The following PPM1E variants were observed in gnomAD, a reference collection of about 807,000 sequenced individuals.
PPM1E encodes protein phosphatase, Mg2+/Mn2+ dependent 1E, also known as protein phosphatase 1E.
In PPM1E, 20 loss-of-function variants were observed where a neutral mutation model predicts 65.9. The ratio of observed to expected loss-of-function variants is 0.30; its 90% confidence interval spans 0.21 to 0.44. The LOEUF is 0.44. Ranked by LOEUF, PPM1E falls within the 20% of genes least tolerant of loss-of-function variation. PPM1E has a pLI of 1.00. For synonymous variants in PPM1E, 352 were observed against 374.9 expected, an observed-to-expected ratio of 0.94 and a Z score of 0.70; for missense variants, 713 against 953.1, an observed-to-expected ratio of 0.75 and a Z score of 3.32.
At chr17:58,921,093 C>T (rs951684113) in intron 1 of PPM1E, among the ~76,000 whole-genome samples, 1 of 152,098 alleles carries the variant, frequency 6.6e-6, no homozygotes, top group African/African-American at 2.4e-5. Context: ...ACATGGAAGC[C>T]ATTGTGACTT....
chr17:58,980,478 T>G lies in PPM1E; in HGVS notation c.1715T>G (p.Leu572Arg). 6.2e-7 allele frequency: 1 copy of G among 1,614,158 alleles called. No homozygotes were observed. The highest frequency in any genetic ancestry group is 8.5e-7 in the Non-Finnish European group (1 of 1,180,038). Residue 572 changes from leucine to arginine, a missense_variant, in exon 7 of 7, where the codon CTC becomes CGC. Leu to Arg is a moderately radical substitution (Grantham distance 102). Transcript: ENST00000308249. This position sits in a 1 kb window ranked among gnomAD's most constrained non-coding sequence, Gnocchi z 4.7. ...NVLEDPGYLD[L>R]TQIEASKPHS... ...CTGGAAGACCCAGGCTACCTAGATC[T>G]CACACAAATAGAAGCAAGCAAACCT...
At chr17:58,795,019 G>T (rs2050192825) in intron 1 of PPM1E, among the ~76,000 whole-genome samples, 1 of 151,508 alleles carries the variant, frequency 6.6e-6, no homozygotes, top group Admixed American at 6.6e-5. Context: ...CTCCCAAGTA[G>T]CTGGGGTTAC....
Position 58,863,386 on chromosome 17 carries a change from G to A in PPM1E, c.465-92263G>A, listed in dbSNP as rs182939126. 1.1e-4 allele frequency among the ~76,000 whole-genome samples: 17 copies of A among 152,286 alleles called. 1 individual carries two copies. The highest frequency in any genetic ancestry group is 2.1e-4 in the South Asian group (1 of 4,826). ...GGGCAAACAAATGCTGGAACGAGCC[G>A]GCCACTTCTCTCCAGTGGGAGCAGG... On this transcript the variant is annotated intron_variant, in intron 1 of 6. Transcript: ENST00000308249.
At chr17:58,860,535 G>A (rs529949121) in intron 1 of PPM1E, among the ~76,000 whole-genome samples, 1 of 152,290 alleles carries the variant, frequency 6.6e-6, no homozygotes, top group Admixed American at 6.5e-5. Context: ...AAAAGAGGGG[G>A]TTATGCCAGA....
chr17:58,833,715 G>C (rs2050627018), intron 1 of PPM1E, among the ~76,000 whole-genome samples: 1 of 152,086 alleles, frequency 6.6e-6, no homozygotes, highest in Non-Finnish European at 1.5e-5. Flanking sequence ...CTTTTTGATA[G>C]AATTACTTGT....
At chr17:58,952,294 T>C (rs2052250440) in intron 1 of PPM1E, among the ~76,000 whole-genome samples, 3 of 152,192 alleles carry the variant, frequency 2.0e-5, no homozygotes, top group Non-Finnish European at 4.4e-5. Flanking sequence ...GGACTGTTAC[T>C]CTGGCTGGGG....
chr17:58,834,541 T>C (rs1412963671), intron 1 of PPM1E, among the ~76,000 whole-genome samples: 1 of 152,178 alleles, frequency 6.6e-6, no homozygotes, highest in Admixed American at 6.5e-5. Flanking sequence ...CTGATAAAAT[T>C]ATGCATTTGA....
chr17:58,952,859 A>G (rs1448336361), intron 1 of PPM1E, among the ~76,000 whole-genome samples: 5 of 152,082 alleles, frequency 3.3e-5, no homozygotes, highest in Non-Finnish European at 5.9e-5. Context: ...TATTTTTAGT[A>G]GAGACAGGGT....
At position 58,778,927 on chromosome 17, in the gene PPM1E, C is replaced by CATATATATATATAT. The variant is rs59563297; in HGVS notation, c.464+22487_464+22500dup. ...TATAACTAAATTGAGATGATACATA[C>CATATATATATATAT]ATATATATATATATATATATATATA... On this transcript the variant is annotated intron_variant, in intron 1 of 6. Coordinates refer to ENST00000308249, the MANE Select transcript of PPM1E (RefSeq NM_014906.5). 7.2e-3 allele frequency among the ~76,000 whole-genome samples: 746 copies of CATATATATATATAT among 103,608 alleles called. 19 individuals are homozygous for CATATATATATATAT. Among genetic ancestry groups the CATATATATATATAT allele is most frequent in the Middle Eastern group, 0.015 (2 of 132 alleles). The allele number at this position is 103,608 out of a possible 152,430, so 68.0% of individuals were successfully genotyped here.
At chr17:58,830,827 A>G (rs8079774) in intron 1 of PPM1E, among the ~76,000 whole-genome samples, 96,345 of 151,066 alleles carry the variant, frequency 0.64, 31,046 homozygotes, top group African/African-American at 0.71. Flanking sequence ...TAGAACTATA[A>G]GCGTGTGCCA....
chr17:58,917,360 T>C (rs1241793467), intron 1 of PPM1E, among the ~76,000 whole-genome samples: 2 of 152,228 alleles, frequency 1.3e-5, no homozygotes, highest in Admixed American at 6.5e-5. Flanking sequence ...TATTTATGTT[T>C]GTTTTCTTAG....
At chr17:58,878,595 G>A (rs371864556) in intron 1 of PPM1E, among the ~76,000 whole-genome samples, 4 of 151,106 alleles carry the variant, frequency 2.6e-5, no homozygotes, top group Non-Finnish European at 1.5e-5. Flanking sequence ...TGGAGGATTC[G>A]TTTAGAGTAT....
chr17:58,875,995 G>C (rs1304138352), intron 1 of PPM1E, among the ~76,000 whole-genome samples: 1 of 152,064 alleles, frequency 6.6e-6, no homozygotes, highest in African/African-American at 2.4e-5. Context: ...GGATAAAAAG[G>C]GTTTATGTTT....
intron 1 of PPM1E, among the ~76,000 whole-genome samples, chr17:58,910,235 T>C (rs778895572): frequency 3.9e-5 from 6 of 152,130 alleles, no homozygotes; most frequent in Non-Finnish European, 7.4e-5. Context: ...TTCTATTGTA[T>C]ATCCTCAAGC....
At chr17:58,860,166 A>G (rs1027019179) in intron 1 of PPM1E, among the ~76,000 whole-genome samples, 1 of 152,252 alleles carries the variant, frequency 6.6e-6, no homozygotes. Context: ...AGTGGAATTC[A>G]GAACAAACCC....
rs772567524 is a variant in PPM1E at position 58,941,691 on chromosome 17, C to CAA, written c.465-13939_465-13938dup. On this transcript the variant is annotated intron_variant, in intron 1 of 6. Transcript: ENST00000308249. Reference sequence around the variant, plus strand: ...CTGGTGACAGAGCAAGACTCCATCTCAAAAAAAAAAAAAAAAAAAATGCTG... The same window carrying CAA: ...CTGGTGACAGAGCAAGACTCCATCTCAAAAAAAAAAAAAAAAAAAAAATGCTG... Among the ~76,000 whole-genome samples the CAA allele has an allele frequency of 3.3e-3, 211 of 63,018 alleles. 1 individual carries two copies. Among genetic ancestry groups the CAA allele is most frequent in the African/African-American group, 0.011 (171 of 15,720 alleles). 41.3% of individuals were successfully genotyped at this position (63,018 alleles called of 152,430 possible).
chr17:58,800,696 A>T (rs1487671496), intron 1 of PPM1E, among the ~76,000 whole-genome samples: 1 of 152,200 alleles, frequency 6.6e-6, no homozygotes, highest in African/African-American at 2.4e-5. Context: ...TTTGTCAAAC[A>T]TATTGAGATA....
chr17:58,897,839 G>A (rs1277137054), intron 1 of PPM1E: 1 of 152,232 alleles, frequency 6.6e-6, no homozygotes, highest in African/African-American at 2.4e-5. Flanking sequence ...ATAAGGTTGA[G>A]GACAGTGGCT....
At chr17:58,769,121 A>T (rs1598558769) in intron 1 of PPM1E, among the ~76,000 whole-genome samples, 1 of 152,056 alleles carries the variant, frequency 6.6e-6, no homozygotes, top group African/African-American at 2.4e-5. Context: ...GCCTGGAGAT[A>T]TTTTTTTCCA....
Sources: gnomAD v4.1 joint callset for allele counts (sites outside exome capture counted in the v4.1 genomes callset) on GRCh38, gnomAD v4.1.1 for gene constraint, Gnocchi (gnomAD v3.1) non-coding constraint, MANE v1.5 for transcripts, NCBI Gene and HGNC (gene_info 2026-07-23, HGNC 2026-07-21) for gene names.